Variants in RNF220 observed in about 807,000 individuals in gnomAD.
The protein encoded by RNF220 is ring finger protein 220.
A neutral mutation model predicts 67.1 loss-of-function variants in RNF220; 7 were observed. The observed-to-expected ratio is 0.10, with a 90% CI of 0.06 to 0.20. RNF220 has a LOEUF of 0.20. RNF220 is among the 10% of genes least tolerant of loss of function. The pLI is 1.00. For synonymous variants in RNF220, 270 were observed against 283.2 expected (o/e 0.95, Z 0.47); for missense variants, 565 against 740.3 (o/e 0.76, Z 2.75).
chr1:44,577,098 A>G (rs1664864494), intron 2 of RNF220, among the ~76,000 whole-genome samples: 1 of 152,218 alleles, frequency 6.6e-6, no homozygotes, highest in South Asian at 2.1e-4. Flanking sequence ...CAGTCTGTCC[A>G]ACATTGGCTC....
At chr1:44,623,831 GAAGA>G (rs2148452582) in intron 4 of RNF220, among the ~76,000 whole-genome samples, 1 of 152,350 alleles carries the variant, frequency 6.6e-6, no homozygotes, top group African/African-American at 2.4e-5. Flanking sequence ...GGATCCTAAG[GAAGA>G]AAGTTTCTAA....
At chr1:44,585,835 C>T (rs1033009528) in intron 2 of RNF220, among the ~76,000 whole-genome samples, 2 of 152,084 alleles carry the variant, frequency 1.3e-5, no homozygotes, top group African/African-American at 4.8e-5. Flanking sequence ...ATTGTCTGAC[C>T]TTTAGGTCAG....
At chr1:44,440,419 C>T (rs1651429907) in intron 2 of RNF220, among the ~76,000 whole-genome samples, 1 of 152,210 alleles carries the variant, frequency 6.6e-6, no homozygotes. Flanking sequence ...AATGGAGGGA[C>T]TTAGTCAAAG....
At chr1:44,629,805 A>T in intron 5 of RNF220, among the ~76,000 whole-genome samples, 1 of 152,270 alleles carries the variant, frequency 6.6e-6, no homozygotes, top group East Asian at 1.9e-4. Context: ...GAAGGAACAG[A>T]AGTTCACTTG....
chr1:44,485,542 C>A (rs1484917718), intron 2 of RNF220, among the ~76,000 whole-genome samples: 1 of 152,166 alleles, frequency 6.6e-6, no homozygotes, highest in African/African-American at 2.4e-5. Context: ...AAAACAAAAT[C>A]CAACTAAGGC....
chr1:44,592,469 C>T (rs1455254086), intron 2 of RNF220, among the ~76,000 whole-genome samples: 7 of 152,196 alleles, frequency 4.6e-5, no homozygotes, highest in Non-Finnish European at 1.0e-4. Flanking sequence ...CTGTTGGCCA[C>T]TGACCACTGT....
intron 2 of RNF220, among the ~76,000 whole-genome samples, chr1:44,423,239 TA>T (rs780482224): frequency 3.7e-4 from 57 of 152,176 alleles, no homozygotes; most frequent in Non-Finnish European, 6.3e-4. Context: ...TCAAAGGAGC[TA>T]GGGGTAGCAG....
intron 2 of RNF220, among the ~76,000 whole-genome samples, chr1:44,597,429 C>T (rs1278433462): frequency 6.6e-6 from 1 of 151,622 alleles, no homozygotes; most frequent in African/African-American, 2.4e-5. Flanking sequence ...CCTTCTCTGT[C>T]TCAACATACA....
chr1:44,409,142 A>G (rs1362247228), intron 1 of RNF220, among the ~76,000 whole-genome samples: 2 of 150,042 alleles, frequency 1.3e-5, no homozygotes, highest in African/African-American at 5.1e-5. Flanking sequence ...AATTATTCAG[A>G]TAGCTGGCGT....
chr1:44,552,961 A>G (rs1019602762), intron 2 of RNF220, among the ~76,000 whole-genome samples: 1 of 152,174 alleles, frequency 6.6e-6, no homozygotes, highest in Non-Finnish European at 1.5e-5. Context: ...GCCTTGAGCT[A>G]CAAATTCCAG....
chr1:44,412,463 C>A lies in RNF220; in HGVS notation c.366C>A (p.Pro122=). ...LNHSGVGAFR[P]FASTEDRESY... ...ATAGTGGTGTGGGGGCTTTCCGGCC[C>A]TTTGCCTCCACCGAGGACCGGGAGA... The change falls in exon 2 of 15, where the codon CCC becomes CCA. Residue 122 remains proline (P), a synonymous_variant. Coordinates refer to ENST00000361799, the MANE Select transcript of RNF220 (RefSeq NM_018150.4). This position sits in a 1 kb window ranked among gnomAD's most constrained non-coding sequence, Gnocchi z 5.3. 2 of 1,611,426 alleles carry A rather than the reference C, an allele frequency of 1.2e-6. No individual in the cohort carries two copies. Among genetic ancestry groups the A allele is most frequent in the Non-Finnish European group, 1.7e-6 (2 of 1,177,808 alleles).
At chr1:44,634,187 C>T (rs1005200144) in intron 6 of RNF220, among the ~76,000 whole-genome samples, 5 of 152,200 alleles carry the variant, frequency 3.3e-5, no homozygotes, top group African/African-American at 1.2e-4. Context: ...TGGGACCAGT[C>T]TTTGTTGATG....
chr1:44,494,342 G>A (rs1432616433), intron 2 of RNF220, among the ~76,000 whole-genome samples: 1 of 152,076 alleles, frequency 6.6e-6, no homozygotes, highest in Non-Finnish European at 1.5e-5. Context: ...AAATATGATT[G>A]ATGTACAAGC....
chr1:44,636,192 A>T (rs1367532081), intron 8 of RNF220, 30 bp downstream of exon 8: 1 of 1,577,824 alleles, frequency 6.3e-7, no homozygotes. Context: ...AGACATTGGC[A>T]CTCTGGTGCC....
chr1:44,481,174 G>T (rs113872046), intron 2 of RNF220, among the ~76,000 whole-genome samples: 1 of 152,158 alleles, frequency 6.6e-6, no homozygotes, highest in Admixed American at 6.5e-5. Context: ...TGTAATCCCA[G>T]CACGTTGAGA....
rs920203654 is a variant in RNF220 at position 44,624,301 on chromosome 1, C to T, written c.804+1514C>T. On this transcript the variant is annotated intron_variant, in intron 4 of 14. Transcript: ENST00000361799. The surrounding 1 kb of genome is among the most constrained non-coding windows in gnomAD (Gnocchi z 4.2). ...CGGCCACCACAGGTGACAGCTGACA[C>T]CTGAGCATGGCTGGCAGGGCTGGGG... is the stretch of plus-strand genomic sequence containing the variant. Among the ~76,000 whole-genome samples the T allele has an allele frequency of 1.4e-4, 22 of 152,188 alleles. No homozygotes were observed. Among genetic ancestry groups the T allele is most frequent in the African/African-American group, 5.3e-4 (22 of 41,440 alleles).
chr1:44,642,385 T>C (rs1351488061), intron 8 of RNF220, among the ~76,000 whole-genome samples: 3 of 152,200 alleles, frequency 2.0e-5, no homozygotes. Context: ...TTCTTTCCTT[T>C]AGCAGGGATT....
At chr1:44,554,558 G>A (rs182957277) in intron 2 of RNF220, among the ~76,000 whole-genome samples, 8 of 152,056 alleles carry the variant, frequency 5.3e-5, no homozygotes, top group Non-Finnish European at 1.2e-4. Context: ...GGAAACAGTT[G>A]GGCTGAAGGG....
At chr1:44,446,475 T>C (rs7555873) in intron 2 of RNF220, among the ~76,000 whole-genome samples, 2,545 of 152,268 alleles carry the variant, frequency 0.017, 82 homozygotes, top group African/African-American at 0.058. Flanking sequence ...GAAGAGCTTG[T>C]CACTGTTAAA....
Sources: gnomAD v4.1 joint callset for allele counts (sites outside exome capture counted in the v4.1 genomes callset) on GRCh38, gnomAD v4.1.1 for gene constraint, Gnocchi (gnomAD v3.1) non-coding constraint, MANE v1.5 for transcripts, NCBI Gene and HGNC (gene_info 2026-07-23, HGNC 2026-07-21) for gene names.